MMP16: variants seen among roughly 807,000 people sequenced by gnomAD.
MMP16 encodes matrix metalloproteinase-16.
Under a neutral mutation model 67.8 loss-of-function variants are expected in MMP16, and 12 were observed. That is an observed-to-expected ratio of 0.18 (90% confidence interval 0.11 to 0.29). The LOEUF is 0.29. Among genes scored for constraint, MMP16 ranks in the 10% least tolerant of loss-of-function variants. The probability of loss-of-function intolerance (pLI) is 1.00; values close to 1 mark genes in which losing one functional copy is unlikely to be tolerated. For missense variants in MMP16, 475 were observed against 765.7 expected (o/e 0.62, Z 4.48); for synonymous variants, 249 against 255.9 (o/e 0.97, Z 0.26).
intron 1 of MMP16, among the ~76,000 whole-genome samples, chr8:88,299,470 C>T (rs760394956): frequency 6.6e-6 from 1 of 152,116 alleles, no homozygotes; most frequent in Non-Finnish European, 1.5e-5. Flanking sequence ...CCCACTTCTT[C>T]CTAATTTTTA....
chr8:88,141,455 G>A (rs567362218), intron 4 of MMP16, among the ~76,000 whole-genome samples: 1 of 152,294 alleles, frequency 6.6e-6, no homozygotes, highest in South Asian at 2.1e-4. Flanking sequence ...AGCTTCGAGT[G>A]GTTGAATCTG....
chr8:88,266,601 C>G (rs1428365288), intron 1 of MMP16, among the ~76,000 whole-genome samples: 1 of 152,142 alleles, frequency 6.6e-6, no homozygotes, highest in Non-Finnish European at 1.5e-5. Context: ...TGAGTTCCCT[C>G]CTACTTTGGT....
At chr8:88,244,932 G>A (rs1448953579) in intron 1 of MMP16, among the ~76,000 whole-genome samples, 1 of 152,094 alleles carries the variant, frequency 6.6e-6, no homozygotes, top group Non-Finnish European at 1.5e-5. Flanking sequence ...TCAAACCTAT[G>A]TCTTCAATTC....
intron 6 of MMP16, among the ~76,000 whole-genome samples, chr8:88,088,100 T>TATATATCTATATAATA (rs1563528027): frequency 4.7e-5 from 7 of 148,120 alleles, no homozygotes; most frequent in East Asian, 2.0e-4. Flanking sequence ...AATAGATATC[T>TATATATCTATATAATA]GCTGACTGTA....
chr8:88,124,696 CTT>C (rs1807896890), intron 4 of MMP16, among the ~76,000 whole-genome samples: 1 of 151,908 alleles, frequency 6.6e-6, no homozygotes, highest in Non-Finnish European at 1.5e-5. Flanking sequence ...TATTTTAAAA[CTT>C]AGGAAGTGTT....
chr8:88,276,976 T>G (rs868406368), intron 1 of MMP16, among the ~76,000 whole-genome samples: 56 of 152,146 alleles, frequency 3.7e-4, no homozygotes, highest in Admixed American at 4.6e-4. Context: ...TGGCTACATG[T>G]TTTTTCACAT....
chr8:88,119,656 A>G (rs187745068), intron 4 of MMP16, among the ~76,000 whole-genome samples: 5 of 152,196 alleles, frequency 3.3e-5, no homozygotes, highest in African/African-American at 7.2e-5. Context: ...GATGACTTCT[A>G]CATTTTGTTC....
chr8:88,205,266 G>A (rs1809408404), intron 1 of MMP16, among the ~76,000 whole-genome samples: 1 of 152,106 alleles, frequency 6.6e-6, no homozygotes, highest in Non-Finnish European at 1.5e-5. Context: ...CACCAAGCTT[G>A]GCTCTGTTAA....
chr8:88,168,805 T>C (rs1404961832), intron 3 of MMP16, among the ~76,000 whole-genome samples: 1 of 152,128 alleles, frequency 6.6e-6, no homozygotes, highest in Non-Finnish European at 1.5e-5. Context: ...ATAGGAGTCA[T>C]AAATAAGTTT....
chr8:88,323,103 CAGGAGACAACCTTTACTCAA>C (rs1352712254), intron 1 of MMP16, among the ~76,000 whole-genome samples: 1 of 152,142 alleles, frequency 6.6e-6, no homozygotes, highest in Non-Finnish European at 1.5e-5. Context: ...AGGCTATATT[CAGGAGACAACCTTTACTCAA>C]GAAGGCATGG....
chr8:88,110,971 C>G (rs1453743941), intron 6 of MMP16, among the ~76,000 whole-genome samples: 2 of 151,626 alleles, frequency 1.3e-5, no homozygotes, highest in African/African-American at 4.8e-5. Context: ...ATCAGATATA[C>G]TTAGCAAATA....
At chr8:88,294,598 A>G (rs1394482137) in intron 1 of MMP16, among the ~76,000 whole-genome samples, 2 of 151,936 alleles carry the variant, frequency 1.3e-5, no homozygotes, top group African/African-American at 4.8e-5. Flanking sequence ...ACACACATAC[A>G]TAGATGTGCA....
Position 88,035,192 on chromosome 8 carries a change from A to C in MMP16, c.*6269T>G, listed in dbSNP as rs966257011. 5 of 150,190 alleles carry C rather than the reference A, an allele frequency of 3.3e-5. No homozygotes were observed. Among genetic ancestry groups the C allele is most frequent in the Non-Finnish European group, 7.4e-5 (5 of 67,262 alleles). 9.3% of individuals were successfully genotyped at this position (150,190 alleles called of 1,614,324 possible). On this transcript the variant is annotated 3_prime_UTR_variant, in exon 10 of 10. Transcript: ENST00000286614. This position sits in a 1 kb window ranked among gnomAD's most constrained non-coding sequence, Gnocchi z 4.7. ...TTAATGACATCTTGCTCTGAAGCTA[A>C]GTGACCTAACATAAGTATATTTCCG...
intron 6 of MMP16, among the ~76,000 whole-genome samples, chr8:88,102,854 C>T (rs1809168612): frequency 6.6e-6 from 1 of 151,848 alleles, no homozygotes; most frequent in Admixed American, 6.6e-5. Flanking sequence ...GTTGTCTTCA[C>T]TCTTGCCTTT....
intron 1 of MMP16, among the ~76,000 whole-genome samples, chr8:88,254,825 T>C: frequency 6.6e-6 from 1 of 152,092 alleles, no homozygotes; most frequent in Admixed American, 6.6e-5. Context: ...ACTAAGGAAA[T>C]TTTAATAAAC....
intron 5 of MMP16, 125 bp downstream of exon 5, chr8:88,118,575 C>T: frequency 2.3e-6 from 2 of 863,116 alleles, no homozygotes; most frequent in Non-Finnish European, 3.5e-6. Flanking sequence ...TGCCAGTAGG[C>T]CAGCTACATA....
intron 1 of MMP16, among the ~76,000 whole-genome samples, chr8:88,283,833 A>G (rs1188239436): frequency 6.6e-6 from 1 of 152,194 alleles, no homozygotes; most frequent in African/African-American, 2.4e-5. Flanking sequence ...CTGCTAAGAG[A>G]GGTAACACCC....
At position 88,037,446 on chromosome 8, in the gene MMP16, T is replaced by G. The variant is rs1475102726; in HGVS notation, c.*4015A>C. ...AAACCAGTCTGTATCTTTTATTACT[T>G]AGTAATTATTTTTGGTAATCATTAC... On this transcript the variant is annotated 3_prime_UTR_variant, in exon 10 of 10. Coordinates refer to ENST00000286614, the MANE Select transcript of MMP16 (RefSeq NM_005941.5). 1 of 151,990 alleles carries G rather than the reference T, an allele frequency of 6.6e-6. No individual in the cohort carries two copies. The highest frequency in any genetic ancestry group is 2.4e-5 in the African/African-American group (1 of 41,440). The allele number at this position is 151,990 out of a possible 1,614,324, so 9.4% of individuals were successfully genotyped here.
chr8:88,258,387 G>A (rs1395453596), intron 1 of MMP16, among the ~76,000 whole-genome samples: 1 of 152,200 alleles, frequency 6.6e-6, no homozygotes, highest in African/African-American at 2.4e-5. Context: ...ACCAGAGTGA[G>A]TTTCCAGTGA....
Sources: gnomAD v4.1 joint callset for allele counts (sites outside exome capture counted in the v4.1 genomes callset) on GRCh38, gnomAD v4.1.1 for gene constraint, Gnocchi (gnomAD v3.1) non-coding constraint, MANE v1.5 for transcripts, NCBI Gene and HGNC (gene_info 2026-07-23, HGNC 2026-07-21) for gene names.